Variants in QKI observed in about 807,000 individuals in gnomAD.
QKI encodes the protein KH domain-containing RNA-binding protein QKI.
QKI carries 10 observed loss-of-function variants against 39.0 expected under a neutral mutation model. The observed-to-expected ratio is 0.26, with a 90% CI of 0.16 to 0.43. The LOEUF (loss-of-function observed/expected upper bound fraction) is 0.43. QKI is among the 20% of genes least tolerant of loss of function. The pLI is 1.00. For missense variants in QKI, 218 were observed against 428.0 expected (o/e 0.51, Z 4.33); for synonymous variants, 204 against 155.4 (o/e 1.31, Z -2.33).
In QKI at chr6:163,572,822, A is replaced by C. The variant is rs1254773367; in HGVS notation, c.*2112A>C. ...GGAAACCGTTGTCAGTTTATTTACT[A>C]TGCAATAGACATTCATTGTTTTGTA... On this transcript the variant is annotated 3_prime_UTR_variant, in exon 8 of 8. Transcript: ENST00000361752. 1 of 152,084 alleles carries C rather than the reference A, an allele frequency of 6.6e-6. No homozygotes were observed. The highest frequency in any genetic ancestry group is 1.5e-5 in the Non-Finnish European group (1 of 68,030). 9.4% of individuals were successfully genotyped at this position (152,084 alleles called of 1,614,324 possible).
chr6:163,494,950 C>G (rs1778310494), intron 3 of QKI, among the ~76,000 whole-genome samples: 1 of 151,622 alleles, frequency 6.6e-6, no homozygotes, highest in African/African-American at 2.4e-5. Flanking sequence ...GAGTCACACT[C>G]TGTCGTCCAG....
At chr6:163,509,421 T>A (rs995569834) in intron 3 of QKI, among the ~76,000 whole-genome samples, 4 of 151,842 alleles carry the variant, frequency 2.6e-5, no homozygotes, top group Admixed American at 1.3e-4. Context: ...AAATAACCAT[T>A]TTTTTTGCTC....
At chr6:163,417,134 T>A (rs1321803802) in intron 1 of QKI, among the ~76,000 whole-genome samples, 2 of 152,192 alleles carry the variant, frequency 1.3e-5, no homozygotes, top group East Asian at 3.9e-4. Context: ...GAAAATACTT[T>A]CCTTAAAATT....
chr6:163,417,351 G>A (rs545262809), intron 1 of QKI, among the ~76,000 whole-genome samples: 1 of 152,116 alleles, frequency 6.6e-6, no homozygotes, highest in Non-Finnish European at 1.5e-5. Context: ...AAATTAAATT[G>A]CATTCCTGAA....
intron 3 of QKI, 141 bp downstream of exon 3, chr6:163,479,037 G>C (rs1792853999): frequency 1.6e-6 from 1 of 621,974 alleles, no homozygotes; most frequent in South Asian, 2.4e-5. Context: ...TGTAATCCCA[G>C]CACTTTGGGA....
chr6:163,420,263 T>C (rs1787896045), intron 1 of QKI, among the ~76,000 whole-genome samples: 1 of 151,772 alleles, frequency 6.6e-6, no homozygotes, highest in South Asian at 2.1e-4. Flanking sequence ...GGAGCAACTT[T>C]TTATAAACTG....
At chr6:163,546,156 T>TA (rs1781860417) in intron 4 of QKI, among the ~76,000 whole-genome samples, 1 of 151,298 alleles carries the variant, frequency 6.6e-6, no homozygotes, top group Admixed American at 6.6e-5. Context: ...TCTACACAGA[T>TA]ACTGTAAAAT....
chr6:163,489,243 T>C (rs1482865505), intron 3 of QKI, among the ~76,000 whole-genome samples: 12 of 151,800 alleles, frequency 7.9e-5, no homozygotes, highest in African/African-American at 2.9e-4. Flanking sequence ...TTGAATAGAA[T>C]TGTAGAAGCA....
intron 6 of QKI, chr6:163,565,850 GATGCAGAC>G (rs1783332258): frequency 6.5e-7 from 1 of 1,530,836 alleles, no homozygotes; most frequent in South Asian, 1.3e-5. Flanking sequence ...CTTCAAAACA[GATGCAGAC>G]ATGTGTGTTG....
chr6:163,478,566 G>T (rs1792807406), intron 2 of QKI, among the ~76,000 whole-genome samples: 1 of 152,186 alleles, frequency 6.6e-6, no homozygotes, highest in South Asian at 2.1e-4. Flanking sequence ...CATAGTTTGT[G>T]TTAATACTTG....
At chr6:163,452,736 T>C (rs899356299) in intron 1 of QKI, among the ~76,000 whole-genome samples, 2 of 152,206 alleles carry the variant, frequency 1.3e-5, no homozygotes, top group Non-Finnish European at 2.9e-5. Context: ...TTCTTTTTAT[T>C]TATTTTTTTA....
At position 163,415,340 on chromosome 6, in the gene QKI, G is replaced by C. The variant is rs537188218; in HGVS notation, c.142+5G>C. ...TCGAGCGGCTGCTGGACGAAGGTGA[G>C]CGTCTCCAGGGCCCCGGCCCCGGCC... On this transcript the variant is annotated splice_donor_5th_base_variant and intron_variant, in intron 1 of 7. Transcript: ENST00000361752. 6.3e-7 allele frequency: 1 copy of C among 1,585,216 alleles called. No homozygotes were observed. Among genetic ancestry groups the C allele is most frequent in the African/African-American group, 1.4e-5 (1 of 73,888 alleles).
At chr6:163,424,954 A>G (rs115206189) in intron 1 of QKI, among the ~76,000 whole-genome samples, 1,858 of 152,250 alleles carry the variant, frequency 0.012, 34 homozygotes, top group African/African-American at 0.042. Flanking sequence ...TTCTATCAAC[A>G]TTTTAAAATC....
chr6:163,422,483 C>T (rs1480438910), intron 1 of QKI, among the ~76,000 whole-genome samples: 1 of 152,150 alleles, frequency 6.6e-6, no homozygotes, highest in Non-Finnish European at 1.5e-5. Flanking sequence ...GTCCCAGCTA[C>T]TTGGGACGCT....
intron 1 of QKI, among the ~76,000 whole-genome samples, chr6:163,433,866 TA>T (rs1380220065): frequency 2.0e-5 from 3 of 152,218 alleles, no homozygotes; most frequent in Non-Finnish European, 4.4e-5. Context: ...AATGTGTACA[TA>T]CACATTTATA....
intron 3 of QKI, among the ~76,000 whole-genome samples, chr6:163,516,723 A>G (rs1325020029): frequency 6.6e-6 from 1 of 152,106 alleles, no homozygotes; most frequent in Non-Finnish European, 1.5e-5. Flanking sequence ...TATTGGATTA[A>G]TCTGTTTATT....
At position 163,570,916 on chromosome 6, in the gene QKI, T is replaced by C; in HGVS notation, c.*206T>C. 1 of 670,450 alleles carries C rather than the reference T, an allele frequency of 1.5e-6. No individual in the cohort carries two copies. The highest frequency in any genetic ancestry group is 2.4e-6 in the Non-Finnish European group (1 of 418,102). 41.5% of individuals were successfully genotyped at this position (670,450 alleles called of 1,614,324 possible). A position where few individuals can be genotyped will look rare whatever the true frequency, so the allele number is the denominator to read the frequency against. ...CAGCTTTTTTTTTTTTTTTTTCCTGTTTGGGTGAAAGTGGTTCTAGAAACT... is the reference window on the plus strand; with the variant it reads ...CAGCTTTTTTTTTTTTTTTTTCCTGCTTGGGTGAAAGTGGTTCTAGAAACT... On this transcript the variant is annotated 3_prime_UTR_variant, in exon 8 of 8. Coordinates refer to ENST00000361752, the MANE Select transcript of QKI (RefSeq NM_006775.3).
At chr6:163,464,360 T>A (rs1791571626) in intron 2 of QKI, among the ~76,000 whole-genome samples, 1 of 151,324 alleles carries the variant, frequency 6.6e-6, no homozygotes, top group African/African-American at 2.4e-5. Context: ...ATAATAAAGA[T>A]CAGAGCAGAA....
At chr6:163,500,662 T>C (rs1778702279) in intron 3 of QKI, among the ~76,000 whole-genome samples, 1 of 152,114 alleles carries the variant, frequency 6.6e-6, no homozygotes, top group Admixed American at 6.5e-5. Flanking sequence ...TAGAGGAGCA[T>C]CAAATAATGC....
Sources: allele counts gnomAD v4.1 joint callset (sites outside exome capture counted in the v4.1 genomes callset), GRCh38; gene constraint gnomAD v4.1.1; transcripts MANE v1.5; gene names NCBI Gene and HGNC (gene_info 2026-07-23, HGNC 2026-07-21).